Variants in RIPOR1 observed in about 807,000 individuals in gnomAD.
RIPOR1 encodes rho family-interacting cell polarization regulator 1.
Under a neutral mutation model 116.5 loss-of-function variants are expected in RIPOR1, and 58 were observed. The observed-to-expected ratio is 0.50, with a 90% CI of 0.40 to 0.62. The LOEUF is 0.62. Ranked by LOEUF, RIPOR1 falls within the 20% of genes least tolerant of loss-of-function variation. The pLI, the probability that RIPOR1 is intolerant of heterozygous loss-of-function variation, is 0.00. For missense variants in RIPOR1, 1,372 were observed against 1,586.2 expected (o/e 0.86, Z 2.29); for synonymous variants, 605 against 650.0 (o/e 0.93, Z 1.05).
intron 1 of RIPOR1, 134 bp from the exon 2 acceptor site, chr16:67,538,290 G>A: frequency 1.6e-6 from 2 of 1,258,136 alleles, no homozygotes; most frequent in South Asian, 3.1e-5. Context: ...GCGGGACTAG[G>A]CGGACCCGGC....
chr16:67,540,318 AGC>A lies in RIPOR1; in HGVS notation c.588_589del (p.Ser196ArgfsTer29), dbSNP rs1325271782. On this transcript the variant is annotated frameshift_variant, in exon 8 of 22. Transcript: ENST00000042381. LOFTEE classifies it high-confidence loss of function. This position sits in a 1 kb window ranked among gnomAD's most constrained non-coding sequence, Gnocchi z 4.7. The stretch of plus-strand genomic sequence containing the variant: ...CTCCCAGAGCATGTGTCTGCTGGAG[AGC>A]GAGCTGGAGGCACAGCTGGGCGAGT... Reference protein sequence around the residue: ...EYTESMCLLESELEAQLGEFH... With the variant: ...EYTESMCLLEXELEAQLGEFH... 1 of 1,613,878 alleles carries A rather than the reference AGC, an allele frequency of 6.2e-7. No homozygotes were observed. The highest frequency in any genetic ancestry group is 8.5e-7 in the Non-Finnish European group (1 of 1,179,974).
chr16:67,532,466 T>TAA (rs112549777), intron 1 of RIPOR1, among the ~76,000 whole-genome samples: 2 of 144,738 alleles, frequency 1.4e-5, no homozygotes, highest in African/African-American at 2.5e-5. Flanking sequence ...GACCTCGTCT[T>TAA]AAAAAAAAAA....
chr16:67,538,577 G>A (rs763365894), intron 2 of RIPOR1, 27 bp downstream of exon 2: 54 of 1,609,696 alleles, frequency 3.4e-5, no homozygotes, highest in Non-Finnish European at 4.5e-5. Flanking sequence ...GGTTGGTGGG[G>A]TCAAAGGGCG....
At position 67,544,526 on chromosome 16, in the gene RIPOR1, GC is replaced by G; in HGVS notation, c.2733+97del. On this transcript the variant is annotated intron_variant, in intron 15 of 21. Coordinates refer to ENST00000042381, the MANE Select transcript of RIPOR1 (RefSeq NM_024519.4). This position sits in a 1 kb window ranked among gnomAD's most constrained non-coding sequence, Gnocchi z 5.1. ...CTGGTCCTCTATACCTCCTCTGAGT[GC>G]CACACCCCAGTGCCCCAGGGCCCTT... 6.5e-7 allele frequency: 1 copy of G among 1,539,928 alleles called. No individual in the cohort carries two copies. The highest frequency in any genetic ancestry group is 8.8e-7 in the Non-Finnish European group (1 of 1,137,796).
At chr16:67,520,604 C>A (rs1044685062) in intron 1 of RIPOR1, among the ~76,000 whole-genome samples, 1 of 151,970 alleles carries the variant, frequency 6.6e-6, no homozygotes, top group South Asian at 2.1e-4. Context: ...AGTTTGAGAG[C>A]AGACTGACCA....
rs976346433 is a variant in RIPOR1, at chr16:67,529,744, C to G, written c.-24+830C>G. 6.5e-7 allele frequency: 1 copy of G among 1,533,482 alleles called. No individual in the cohort carries two copies. Among genetic ancestry groups the G allele is most frequent in the African/African-American group, 1.4e-5 (1 of 72,992 alleles). The allele number at this position is 1,533,482 out of a possible 1,614,324, so 95.0% of individuals were successfully genotyped here. On this transcript the variant is annotated intron_variant, in intron 1 of 21. Transcript: ENST00000042381. This position sits in a 1 kb window ranked among gnomAD's most constrained non-coding sequence, Gnocchi z 4.1. ...CTGTGCGCAGCCTCGTGTAACAATA[C>G]TTGTGCCCTGGCTGCAGTCTGCGGG... is the stretch of plus-strand genomic sequence containing the variant.
At chr16:67,520,444 A>T (rs1194103395) in intron 1 of RIPOR1, among the ~76,000 whole-genome samples, 1 of 151,496 alleles carries the variant, frequency 6.6e-6, no homozygotes, top group Admixed American at 6.6e-5. Flanking sequence ...AGATAAGAGA[A>T]GAGAAGAGAA....
Position 67,537,524 on chromosome 16 carries a change from G to T in RIPOR1, c.-23-900G>T. ...CCAGCCGGGCGGCTCGAAGTGGCCA[G>T]GGCCGGAAGGTCCGCGGGGGGCGAG... On this transcript the variant is annotated intron_variant, in intron 1 of 21. Coordinates refer to ENST00000042381, the MANE Select transcript of RIPOR1 (RefSeq NM_024519.4). The surrounding 1 kb of genome is among the most constrained non-coding windows in gnomAD (Gnocchi z 4.6). 1 of 1,330,128 alleles carries T rather than the reference G, an allele frequency of 7.5e-7. No individual in the cohort carries two copies. Among genetic ancestry groups the T allele is most frequent in the Non-Finnish European group, 9.6e-7 (1 of 1,038,188 alleles). The allele number at this position is 1,330,128 out of a possible 1,614,324, so 82.4% of individuals were successfully genotyped here.
Position 67,537,936 on chromosome 16 carries a change from C to A in RIPOR1, c.-23-488C>A, listed in dbSNP as rs1301136075. 1 of 247,444 alleles carries A rather than the reference C, an allele frequency of 4.0e-6. No homozygotes were observed. Among genetic ancestry groups the A allele is most frequent in the Non-Finnish European group, 7.7e-6 (1 of 130,144 alleles). 15.3% of individuals were successfully genotyped at this position (247,444 alleles called of 1,614,324 possible). ...ACAAACCCGCACCGGCTGGGCCTGT[C>A]GGGCAGCTCCGCAGGGCTCCGAGCG... On this transcript the variant is annotated intron_variant, in intron 1 of 21. Transcript: ENST00000042381. This position sits in a 1 kb window ranked among gnomAD's most constrained non-coding sequence, Gnocchi z 4.6.
chr16:67,546,633 C>T lies in RIPOR1; in HGVS notation c.*170C>T. 1 of 607,776 alleles carries T rather than the reference C, an allele frequency of 1.6e-6. No individual in the cohort carries two copies. The allele number at this position is 607,776 out of a possible 1,614,324, so 37.6% of individuals were successfully genotyped here. A position where few individuals can be genotyped will look rare whatever the true frequency, so the allele number is the denominator to read the frequency against. On this transcript the variant is annotated 3_prime_UTR_variant, in exon 22 of 22. Coordinates refer to ENST00000042381, the MANE Select transcript of RIPOR1 (RefSeq NM_024519.4). ...CCTGGGGTTGGAGAGTCAGTGCCTG[C>T]AGTCAAGTGCCTCCCAGCCTCGGCT...
Position 67,537,655 on chromosome 16 carries a change from G to A in RIPOR1, c.-23-769G>A. 1.6e-6 allele frequency: 2 copies of A among 1,216,462 alleles called. No homozygotes were observed. Among genetic ancestry groups the A allele is most frequent in the South Asian group, 1.9e-5 (1 of 52,186 alleles). The allele number at this position is 1,216,462 out of a possible 1,614,324, so 75.4% of individuals were successfully genotyped here. Reference sequence around the variant, plus strand: ...GGACTGGCCCCAGGGGAAGCAGGCCGGGTTTGGGGGCCAGGAGTGTGTGTT... The same window carrying A: ...GGACTGGCCCCAGGGGAAGCAGGCCAGGTTTGGGGGCCAGGAGTGTGTGTT... On this transcript the variant is annotated intron_variant, in intron 1 of 21. Coordinates refer to ENST00000042381, the MANE Select transcript of RIPOR1 (RefSeq NM_024519.4). This position sits in a 1 kb window ranked among gnomAD's most constrained non-coding sequence, Gnocchi z 4.6.
chr16:67,540,274 C>T lies in RIPOR1; in HGVS notation c.568-26C>T. 6.2e-7 allele frequency: 1 copy of T among 1,613,846 alleles called. No individual in the cohort carries two copies. The highest frequency in any genetic ancestry group is 1.1e-5 in the South Asian group (1 of 91,082). On this transcript the variant is annotated intron_variant, in intron 7 of 21. Coordinates refer to ENST00000042381, the MANE Select transcript of RIPOR1 (RefSeq NM_024519.4). This position sits in a 1 kb window ranked among gnomAD's most constrained non-coding sequence, Gnocchi z 4.7. ...GGGCTAGTGGCTGGCCCTTGACCCCCTCCTGTCCCTGCCCCTCCCTCCCAG... is the reference window on the plus strand; with the variant it reads ...GGGCTAGTGGCTGGCCCTTGACCCCTTCCTGTCCCTGCCCCTCCCTCCCAG...
chr16:67,544,497 C>T lies in RIPOR1; in HGVS notation c.2733+66C>T. 1 of 1,561,156 alleles carries T rather than the reference C, an allele frequency of 6.4e-7. No individual in the cohort carries two copies. The highest frequency in any genetic ancestry group is 8.7e-7 in the Non-Finnish European group (1 of 1,152,966). ...CTAACCCCAGGGAGTCCTGCCCTTC[C>T]ATCCTGGTCCTCTATACCTCCTCTG... On this transcript the variant is annotated intron_variant, in intron 15 of 21. Coordinates refer to ENST00000042381, the MANE Select transcript of RIPOR1 (RefSeq NM_024519.4). This position sits in a 1 kb window ranked among gnomAD's most constrained non-coding sequence, Gnocchi z 5.1.
chr16:67,519,351 C>A (rs2050474442), intron 1 of RIPOR1, among the ~76,000 whole-genome samples: 1 of 151,618 alleles, frequency 6.6e-6, no homozygotes, highest in Non-Finnish European at 1.5e-5. Context: ...AGGGTGTATC[C>A]AGGGACACAA....
At chr16:67,526,098 C>T (rs535810546), upstream of RIPOR1, among the ~76,000 whole-genome samples, 171 of 152,270 alleles carry the variant, frequency 1.1e-3, 1 homozygote, top group African/African-American at 3.2e-3. Context: ...ATCACTGCAG[C>T]GCCATCTGTG....
chr16:67,527,935 G>A (rs145944821), upstream of RIPOR1, among the ~76,000 whole-genome samples: 157 of 152,104 alleles, frequency 1.0e-3, 1 homozygote, highest in East Asian at 0.024. Flanking sequence ...AGGACTGGTG[G>A]GGGCGGGGTA....
intron 6 of RIPOR1, 59 bp downstream of exon 6, chr16:67,539,958 G>C: frequency 1.2e-6 from 2 of 1,613,806 alleles, no homozygotes; most frequent in African/African-American, 1.3e-5. Context: ...AGGGAGAAGA[G>C]GGGTGGTGCC....
At position 67,545,869 on chromosome 16, in the gene RIPOR1, G is replaced by A. The variant is rs756657583; in HGVS notation, c.3387+9G>A. The A allele has an allele frequency of 4.4e-6, 7 of 1,609,002 alleles. No individual in the cohort carries two copies. The African/African-American group carries it at 9.4e-5, about 21-fold the overall frequency. On this transcript the variant is annotated intron_variant, in intron 19 of 21. Transcript: ENST00000042381. This position sits in a 1 kb window ranked among gnomAD's most constrained non-coding sequence, Gnocchi z 4.8. Reference sequence around the variant, plus strand: ...CTACCTTCCGGGAGAGGGTGAGTTGGACAGGGCTCCCTTGAGGGCGAGGGC... The same window carrying A: ...CTACCTTCCGGGAGAGGGTGAGTTGAACAGGGCTCCCTTGAGGGCGAGGGC...
At chr16:67,546,107 CCT>C (rs927026026) in intron 20 of RIPOR1, 32 bp from the exon 21 acceptor site, 6 of 1,611,302 alleles carry the variant, frequency 3.7e-6, no homozygotes, top group East Asian at 2.2e-5. Context: ...CATCTGCTCC[CCT>C]GAGCCCACCT....
Sources: gnomAD v4.1 joint callset for allele counts (sites outside exome capture counted in the v4.1 genomes callset) on GRCh38, gnomAD v4.1.1 for gene constraint, Gnocchi (gnomAD v3.1) non-coding constraint, MANE v1.5 for transcripts, NCBI Gene and HGNC (gene_info 2026-07-23, HGNC 2026-07-21) for gene names.